NEGR1: variants seen among roughly 807,000 people sequenced by gnomAD.
NEGR1 encodes neuronal growth regulator 1, also known as IgLON family member 4.
In NEGR1, 10 loss-of-function variants were observed where a neutral mutation model predicts 40.9. That is an observed-to-expected ratio of 0.24 (90% CI 0.15 to 0.42). The LOEUF (loss-of-function observed/expected upper bound fraction) is 0.42, where lower values mean the gene tolerates loss of function less well. NEGR1 is among the 10% of genes least tolerant of loss of function. The pLI is 1.00. For synonymous variants in NEGR1, 185 were observed against 166.8 expected (o/e 1.11, Z -0.84); for missense variants, 352 against 438.9 (o/e 0.80, Z 1.77).
At chr1:72,026,986 C>T (rs992920644) in intron 1 of NEGR1, among the ~76,000 whole-genome samples, 4 of 151,938 alleles carry the variant, frequency 2.6e-5, no homozygotes, top group Admixed American at 6.6e-5. Flanking sequence ...AGTGCAGTGG[C>T]GCGATCTGGG....
At chr1:72,244,984 A>T (rs1431094598) in intron 1 of NEGR1, among the ~76,000 whole-genome samples, 1 of 152,036 alleles carries the variant, frequency 6.6e-6, no homozygotes, top group Non-Finnish European at 1.5e-5. Context: ...ACAAAAATAC[A>T]AAAACATAGC....
chr1:71,943,027 TAC>T (rs1471195909), intron 1 of NEGR1, among the ~76,000 whole-genome samples: 69 of 130,784 alleles, frequency 5.3e-4, no homozygotes, highest in African/African-American at 1.8e-3. Flanking sequence ...TGTATATATA[TAC>T]ACACATACAT....
At chr1:71,572,971 A>G (rs149897390) in intron 6 of NEGR1, among the ~76,000 whole-genome samples, 1 of 152,342 alleles carries the variant, frequency 6.6e-6, no homozygotes, top group African/African-American at 2.4e-5. Flanking sequence ...GGATAAGCGT[A>G]GTTTAAGAAA....
At chr1:72,268,240 T>A (rs1220966690) in intron 1 of NEGR1, among the ~76,000 whole-genome samples, 2 of 151,420 alleles carry the variant, frequency 1.3e-5, no homozygotes, top group Admixed American at 1.3e-4. Context: ...AGAAAACTGA[T>A]AATGAAAGAA....
intron 2 of NEGR1, among the ~76,000 whole-genome samples, chr1:71,854,387 T>G (rs1051596385): frequency 6.6e-6 from 1 of 152,038 alleles, no homozygotes; most frequent in African/African-American, 2.4e-5. Context: ...ATAAATAAAT[T>G]TTAAGCAAAT....
chr1:72,010,549 G>A (rs1224939290), intron 1 of NEGR1, among the ~76,000 whole-genome samples: 1 of 151,922 alleles, frequency 6.6e-6, no homozygotes, highest in Non-Finnish European at 1.5e-5. Flanking sequence ...CTTCATACCT[G>A]CCAGTCTCAA....
At chr1:71,769,571 T>C (rs1274088726) in intron 3 of NEGR1, among the ~76,000 whole-genome samples, 1 of 152,150 alleles carries the variant, frequency 6.6e-6, no homozygotes, top group Non-Finnish European at 1.5e-5. Context: ...AGAAATCTGA[T>C]GGTTTTACTA....
chr1:72,247,179 C>A (rs1237262374), intron 1 of NEGR1, among the ~76,000 whole-genome samples: 4 of 152,142 alleles, frequency 2.6e-5, no homozygotes, highest in Non-Finnish European at 4.4e-5. Context: ...AGGCCTTTCC[C>A]CATTCTCTTT....
intron 6 of NEGR1, among the ~76,000 whole-genome samples, chr1:71,427,512 T>C (rs756135885): frequency 7.9e-5 from 12 of 152,238 alleles, no homozygotes; most frequent in Non-Finnish European, 1.6e-4. Context: ...GGAAATCCTT[T>C]ACTCTTTCTA....
At chr1:71,423,069 G>A (rs1174619541) in intron 6 of NEGR1, 3 of 151,940 alleles carry the variant, frequency 2.0e-5, no homozygotes, top group South Asian at 4.2e-4. Context: ...CCTGATCACT[G>A]AGCTACAAAA....
chr1:72,048,409 C>T (rs536060656), intron 1 of NEGR1, among the ~76,000 whole-genome samples: 1 of 151,528 alleles, frequency 6.6e-6, no homozygotes, highest in Admixed American at 6.6e-5. Flanking sequence ...CGTATCCCTT[C>T]TTGCTTGCCC....
intron 1 of NEGR1, among the ~76,000 whole-genome samples, chr1:72,214,308 G>C (rs1447481967): frequency 6.6e-6 from 1 of 152,062 alleles, no homozygotes; most frequent in Non-Finnish European, 1.5e-5. Flanking sequence ...ACCGGCACAA[G>C]ACAAGGATGC....
At chr1:71,790,541 A>C (rs1042541167) in intron 2 of NEGR1, among the ~76,000 whole-genome samples, 1 of 152,072 alleles carries the variant, frequency 6.6e-6, no homozygotes, top group Admixed American at 6.6e-5. Context: ...AATGCAAGGA[A>C]GGAGAAGAGT....
chr1:72,075,633 A>G lies in NEGR1; in HGVS notation c.177-140322T>C, dbSNP rs190642343. On this transcript the variant is annotated intron_variant, in intron 1 of 6. Transcript: ENST00000357731. ...GACCATCTGGATGAATGAATGCTAC[A>G]GATGACTACCCAGGTCCTTTCAACA... Among the ~76,000 whole-genome samples the G allele has an allele frequency of 3.4e-3, 524 of 152,286 alleles. 3 individuals carry two copies. The highest frequency in any genetic ancestry group is 4.7e-3 in the Non-Finnish European group (321 of 68,012).
chr1:71,767,169 A>G (rs1383508537), intron 3 of NEGR1, among the ~76,000 whole-genome samples: 1 of 152,160 alleles, frequency 6.6e-6, no homozygotes, highest in Admixed American at 6.5e-5. Context: ...GGTAAGGGGA[A>G]GAGGTTGGAA....
chr1:71,562,964 A>G (rs959937298), intron 6 of NEGR1, among the ~76,000 whole-genome samples: 6 of 151,982 alleles, frequency 3.9e-5, no homozygotes, highest in African/African-American at 1.4e-4. Context: ...TGTGGTGCAC[A>G]TCACTTCTGC....
chr1:71,894,609 C>G (rs1387712640), intron 2 of NEGR1, among the ~76,000 whole-genome samples: 1 of 152,188 alleles, frequency 6.6e-6, no homozygotes, highest in Non-Finnish European at 1.5e-5. Context: ...AATCAAGACT[C>G]CAGGCTACCA....
Position 71,783,840 on chromosome 1 carries a change from G to GTCCATCCA in NEGR1, c.410-7551_410-7544dup, listed in dbSNP as rs376448737. 4.6e-4 allele frequency among the ~76,000 whole-genome samples: 61 copies of GTCCATCCA among 133,732 alleles called. 1 individual carries two copies. Among genetic ancestry groups the GTCCATCCA allele is most frequent in the African/African-American group, 9.6e-4 (39 of 40,542 alleles). 87.7% of individuals were successfully genotyped at this position (133,732 alleles called of 152,430 possible). A position where few individuals can be genotyped will look rare whatever the true frequency, so the allele number is the denominator to read the frequency against. ...ACTGTTTTAATTCATCCATCCACCC[G>GTCCATCCA]TCCATCCATCCATCCATCCATCCAT... On this transcript the variant is annotated intron_variant, in intron 2 of 6. Coordinates refer to ENST00000357731, the MANE Select transcript of NEGR1 (RefSeq NM_173808.3).
intron 1 of NEGR1, among the ~76,000 whole-genome samples, chr1:72,131,406 A>T (rs2100313558): frequency 6.6e-6 from 1 of 152,344 alleles, no homozygotes; most frequent in Admixed American, 6.5e-5. Context: ...TGTACAAATT[A>T]AGGTAAAGAA....
Sources: gnomAD v4.1 joint callset for allele counts (sites outside exome capture counted in the v4.1 genomes callset) on GRCh38, gnomAD v4.1.1 for gene constraint, MANE v1.5 for transcripts, NCBI Gene and HGNC (gene_info 2026-07-23, HGNC 2026-07-21) for gene names.